Variants in ARMC2 observed in about 807,000 individuals in gnomAD.
The protein encoded by ARMC2 is armadillo repeat containing 2, also known as armadillo repeat-containing protein 2.
ARMC2 carries 67 observed loss-of-function variants against 90.3 expected under a neutral mutation model. The observed-to-expected ratio is 0.74, with a 90% CI of 0.61 to 0.91. The LOEUF is 0.91. Among genes scored for constraint, ARMC2 ranks in the 40% least tolerant of loss-of-function variants. The pLI, the probability that ARMC2 is intolerant of heterozygous loss-of-function variation, is 0.00. For synonymous variants in ARMC2, 393 were observed against 393.0 expected, an observed-to-expected ratio of 1.00 and a Z score of 0.00; for missense variants, 920 against 1,030.9, an observed-to-expected ratio of 0.89 and a Z score of 1.47.
At chr6:109,034,410 T>C in the ARMC2 span, among the ~76,000 whole-genome samples, 1 of 152,224 alleles carries the variant, frequency 6.6e-6, no homozygotes, top group Non-Finnish European at 1.5e-5. Context: ...GAATCTATAT[T>C]TTAAATACAA....
chr6:109,032,656 A>G, the ARMC2 span, among the ~76,000 whole-genome samples: 3 of 152,068 alleles, frequency 2.0e-5, no homozygotes, highest in Admixed American at 6.6e-5. Context: ...GTAAGAAGAC[A>G]GATACATATA....
chr6:108,960,027 G>A (rs548177976), intron 13 of ARMC2, among the ~76,000 whole-genome samples: 1 of 152,162 alleles, frequency 6.6e-6, no homozygotes, highest in Admixed American at 6.5e-5. Context: ...TCACCGTGTT[G>A]CCCAGGCCGG....
the ARMC2 span, among the ~76,000 whole-genome samples, chr6:109,025,593 T>C: frequency 1.3e-5 from 2 of 149,942 alleles, no homozygotes; most frequent in Non-Finnish European, 3.0e-5. Context: ...TTTTAAAACT[T>C]TAAAGGAAAT....
Position 108,894,535 on chromosome 6 carries a change from C to A in ARMC2, c.740C>A (p.Thr247Asn), listed in dbSNP as rs1237441172. 2 of 1,603,652 alleles carry A rather than the reference C, an allele frequency of 1.2e-6. No individual in the cohort carries two copies. Among genetic ancestry groups the A allele is most frequent in the Admixed American group, 3.4e-5 (2 of 58,020 alleles). The change falls in exon 6 of 18, where the codon ACC becomes AAC. Residue 247 changes from threonine to asparagine, a missense_variant. By Grantham distance (65) the Thr-to-Asn change is moderately conservative. Coordinates refer to ENST00000392644, the MANE Select transcript of ARMC2 (RefSeq NM_032131.6). ...AGCTCAGACCTGAGCAGGCTGCAAA[C>A]CAAAGCAGGTGAGGGGTCCCCACAC... is the stretch of plus-strand genomic sequence containing the variant. ...PSSSDLSRLQ[T>N]KAVPKADLQE...
In ARMC2 at chr6:108,928,192, G is replaced by T. The variant is rs748106596; in HGVS notation, c.1455G>T (p.Lys485Asn). The change falls in exon 11 of 18, where the codon AAG becomes AAT. Residue 485 changes from lysine to asparagine, a missense_variant. Transcript: ENST00000392644. ...PQLCTAMEQYKGDKDVCTNIA... is the reference protein window; with the variant it reads ...PQLCTAMEQYNGDKDVCTNIA... The stretch of plus-strand genomic sequence containing the variant: ...TCTGCACGGCAATGGAACAGTACAA[G>T]GGTGACAAGGACGTCTGTACCAATA... The T allele has an allele frequency of 6.3e-7, 1 of 1,596,184 alleles. No individual in the cohort carries two copies. Among genetic ancestry groups the T allele is most frequent in the Non-Finnish European group, 8.5e-7 (1 of 1,171,758 alleles).
At chr6:108,906,672 T>C (rs1198185870) in intron 8 of ARMC2, among the ~76,000 whole-genome samples, 1 of 152,020 alleles carries the variant, frequency 6.6e-6, no homozygotes, top group East Asian at 1.9e-4. Context: ...TTTTATAGAA[T>C]TGGGGTCTCG....
chr6:108,981,855 T>A, the ARMC2 span, among the ~76,000 whole-genome samples: 12 of 151,858 alleles, frequency 7.9e-5, no homozygotes, highest in African/African-American at 2.7e-4. Context: ...TTAGTAGAGA[T>A]GGGGTTTCAC....
chr6:109,032,831 AT>A, the ARMC2 span, among the ~76,000 whole-genome samples: 7 of 152,238 alleles, frequency 4.6e-5, no homozygotes, highest in East Asian at 1.4e-3. Context: ...TTTTATAGCC[AT>A]TGCTTGAGGA....
chr6:108,898,281 T>C (rs1771795656), intron 6 of ARMC2, among the ~76,000 whole-genome samples: 1 of 151,160 alleles, frequency 6.6e-6, no homozygotes, highest in Non-Finnish European at 1.5e-5. Flanking sequence ...CTCTGTCTCT[T>C]CTCTCTCTCT....
chr6:109,018,671 A>C, the ARMC2 span, among the ~76,000 whole-genome samples: 5 of 152,226 alleles, frequency 3.3e-5, no homozygotes, highest in Admixed American at 6.5e-5. Flanking sequence ...AAAGAATGCA[A>C]GTAGTTGTTT....
At chr6:108,914,574 T>G (rs1387182289) in intron 10 of ARMC2, among the ~76,000 whole-genome samples, 1 of 152,182 alleles carries the variant, frequency 6.6e-6, no homozygotes, top group Non-Finnish European at 1.5e-5. Context: ...GAGCCCATGA[T>G]GGCATCCACC....
At chr6:108,929,018 T>C (rs977818152) in intron 11 of ARMC2, among the ~76,000 whole-genome samples, 11 of 152,168 alleles carry the variant, frequency 7.2e-5, no homozygotes, top group African/African-American at 2.7e-4. Context: ...GATTAAATGG[T>C]ACACAGGTTT....
At chr6:108,947,791 G>A (rs781479681) in intron 12 of ARMC2, among the ~76,000 whole-genome samples, 1 of 151,022 alleles carries the variant, frequency 6.6e-6, no homozygotes, top group Admixed American at 6.6e-5. Flanking sequence ...AAATTAGAAA[G>A]TCGATATGAA....
Position 108,928,160 on chromosome 6 carries a change from C to T in ARMC2, c.1423C>T (p.Pro475Ser), listed in dbSNP as rs756774198. 14 of 1,613,164 alleles carry T rather than the reference C, an allele frequency of 8.7e-6. No homozygotes were observed. The East Asian group carries it at 3.1e-4, about 36-fold the overall frequency. Residue 475 changes from proline (P) to serine (S), a missense_variant, in exon 11 of 18, where the codon CCC (proline) becomes TCC (serine). Transcript: ENST00000392644. ...RSKFLNISALPQLCTAMEQYK... is the reference protein window; with the variant it reads ...RSKFLNISALSQLCTAMEQYK... ...TAAGTTCCTAAACATCAGTGCCCTT[C>T]CCCAGCTCTGCACGGCAATGGAACA... is the stretch of plus-strand genomic sequence containing the variant.
At chr6:108,887,161 C>G (rs1308336853) in intron 5 of ARMC2, among the ~76,000 whole-genome samples, 1 of 152,174 alleles carries the variant, frequency 6.6e-6, no homozygotes, top group African/African-American at 2.4e-5. Flanking sequence ...ATCTGCCTTC[C>G]TAAGCCTCCC....
At chr6:108,889,207 G>T (rs1770691911) in intron 5 of ARMC2, among the ~76,000 whole-genome samples, 1 of 152,078 alleles carries the variant, frequency 6.6e-6, no homozygotes, top group African/African-American at 2.4e-5. Context: ...AGTGAAGTGT[G>T]CAATCTCGGC....
chr6:109,000,842 G>A, the ARMC2 span, among the ~76,000 whole-genome samples: 1,066 of 152,210 alleles, frequency 7.0e-3, 11 homozygotes, highest in African/African-American at 0.024. Context: ...TTCAAATACT[G>A]TAAGAACCTT....
intron 12 of ARMC2, among the ~76,000 whole-genome samples, chr6:108,943,729 G>A (rs1776613340): frequency 6.6e-6 from 1 of 152,124 alleles, no homozygotes; most frequent in South Asian, 2.1e-4. Flanking sequence ...AGCTACTTGG[G>A]AGGATGAGGC....
intron 3 of ARMC2, among the ~76,000 whole-genome samples, chr6:108,866,342 TA>T (rs1775816803): frequency 6.6e-6 from 1 of 152,220 alleles, no homozygotes; most frequent in African/African-American, 2.4e-5. Flanking sequence ...GTGGGGAGGC[TA>T]AAAAGTAAAG....
Sources: gnomAD v4.1 joint callset for allele counts (sites outside exome capture counted in the v4.1 genomes callset) on GRCh38, gnomAD v4.1.1 for gene constraint, MANE v1.5 for transcripts, NCBI Gene and HGNC (gene_info 2026-07-23, HGNC 2026-07-21) for gene names.